CNOT4: variants seen among roughly 807,000 people sequenced by gnomAD.
CNOT4 encodes the protein CCR4-associated factor 4.
A neutral mutation model predicts 73.8 loss-of-function variants in CNOT4; 8 were observed. That is an observed-to-expected ratio of 0.11 (90% CI 0.06 to 0.20). CNOT4 has a LOEUF of 0.20. Among genes scored for constraint, CNOT4 ranks in the 10% least tolerant of loss-of-function variants. The pLI is 1.00. For synonymous variants in CNOT4, 293 were observed against 321.1 expected, an observed-to-expected ratio of 0.91 and a Z score of 0.94; for missense variants, 564 against 883.4, an observed-to-expected ratio of 0.64 and a Z score of 4.58.
intron 1 of CNOT4, among the ~76,000 whole-genome samples, chr7:135,456,579 A>G (rs1305105773): frequency 6.6e-6 from 1 of 152,104 alleles, no homozygotes; most frequent in Non-Finnish European, 1.5e-5. Flanking sequence ...TTCTATGGAT[A>G]CAAAAATCAG....
chr7:135,415,973 T>A (rs1057506625), intron 3 of CNOT4, among the ~76,000 whole-genome samples: 1 of 152,156 alleles, frequency 6.6e-6, no homozygotes, highest in African/African-American at 2.4e-5. Flanking sequence ...TCTCCTTTAC[T>A]TTGTGAACAC....
At chr7:135,442,753 A>AG (rs1484785720) in intron 1 of CNOT4, among the ~76,000 whole-genome samples, 1 of 152,176 alleles carries the variant, frequency 6.6e-6, no homozygotes, top group Non-Finnish European at 1.5e-5. Flanking sequence ...TTAATTTGGC[A>AG]GGGAAAAAAA....
At chr7:135,483,163 C>A (rs770791027) in intron 1 of CNOT4, among the ~76,000 whole-genome samples, 5 of 148,276 alleles carry the variant, frequency 3.4e-5, no homozygotes, top group Non-Finnish European at 7.5e-5. Context: ...AGTGGAACCC[C>A]ATCTCTACAA....
At chr7:135,390,264 T>C (rs1053427152) in intron 10 of CNOT4, among the ~76,000 whole-genome samples, 1 of 152,128 alleles carries the variant, frequency 6.6e-6, no homozygotes, top group Non-Finnish European at 1.5e-5. Flanking sequence ...ATTGTTGAAT[T>C]TGAGATCTAA....
intron 1 of CNOT4, among the ~76,000 whole-genome samples, chr7:135,464,790 A>G (rs1308535731): frequency 6.6e-6 from 1 of 151,966 alleles, no homozygotes; most frequent in African/African-American, 2.4e-5. Context: ...TTATAATTCT[A>G]AAATTTAAGT....
chr7:135,453,788 ATT>A (rs978167060), intron 1 of CNOT4, among the ~76,000 whole-genome samples: 1 of 140,936 alleles, frequency 7.1e-6, no homozygotes, highest in African/African-American at 2.6e-5. Flanking sequence ...ATACAAAAAT[ATT>A]TTTATATATA....
intron 1 of CNOT4, among the ~76,000 whole-genome samples, chr7:135,498,562 T>C (rs1425205803): frequency 2.0e-5 from 3 of 152,176 alleles, no homozygotes; most frequent in African/African-American, 7.2e-5. Context: ...TGTTTGTTTG[T>C]TTTTGAGACG....
intron 2 of CNOT4, among the ~76,000 whole-genome samples, chr7:135,426,329 AC>A (rs1339933974): frequency 2.0e-5 from 3 of 152,012 alleles, no homozygotes; most frequent in Non-Finnish European, 2.9e-5. Flanking sequence ...AAGGCTGGGC[AC>A]GGTGGCTCAC....
At chr7:135,453,989 C>T (rs57185476) in intron 1 of CNOT4, among the ~76,000 whole-genome samples, 5 of 134,010 alleles carry the variant, frequency 3.7e-5, no homozygotes, top group South Asian at 2.3e-4. Context: ...AATATATATA[C>T]ATATATATAT....
At chr7:135,376,087 A>G (rs957474026) in intron 10 of CNOT4, among the ~76,000 whole-genome samples, 1 of 151,864 alleles carries the variant, frequency 6.6e-6, no homozygotes, top group Non-Finnish European at 1.5e-5. Context: ...TGTAGGGGGG[A>G]AAATCTTAAC....
At chr7:135,427,085 T>C (rs1370827738) in intron 2 of CNOT4, among the ~76,000 whole-genome samples, 1 of 152,208 alleles carries the variant, frequency 6.6e-6, no homozygotes, top group East Asian at 1.9e-4. Flanking sequence ...ATAGGTTGCC[T>C]ATGGAGAAGT....
chr7:135,431,718 G>C (rs536653085), intron 2 of CNOT4, among the ~76,000 whole-genome samples: 1 of 150,706 alleles, frequency 6.6e-6, no homozygotes, highest in African/African-American at 2.4e-5. Flanking sequence ...ACTCCAGCCT[G>C]GGTGACATGA....
chr7:135,362,603 T>C lies in CNOT4; in HGVS notation c.*282A>G, dbSNP rs1794696771. On this transcript the variant is annotated 3_prime_UTR_variant, in exon 12 of 12. Coordinates refer to ENST00000541284, the MANE Select transcript of CNOT4 (RefSeq NM_001190850.2). ...AGACAAACAATAATTTTCTAAGTATTGAGACTGCCCTTTGATTTTTTTTTC... is the reference window on the plus strand; with the variant it reads ...AGACAAACAATAATTTTCTAAGTATCGAGACTGCCCTTTGATTTTTTTTTC... 2 of 551,512 alleles carry C rather than the reference T, an allele frequency of 3.6e-6. No individual in the cohort carries two copies. Among genetic ancestry groups the C allele is most frequent in the Non-Finnish European group, 6.5e-6 (2 of 307,136 alleles). The allele number at this position is 551,512 out of a possible 1,614,324, so 34.2% of individuals were successfully genotyped here. A position where few individuals can be genotyped will look rare whatever the true frequency, so the allele number is the denominator to read the frequency against.
chr7:135,421,086 T>C (rs1359191417), intron 3 of CNOT4, among the ~76,000 whole-genome samples: 1 of 152,202 alleles, frequency 6.6e-6, no homozygotes, highest in African/African-American at 2.4e-5. Flanking sequence ...CTAATGTCCC[T>C]GACTTTCGCG....
chr7:135,465,796 C>A (rs1188206620), intron 1 of CNOT4, among the ~76,000 whole-genome samples: 1 of 151,872 alleles, frequency 6.6e-6, no homozygotes, highest in African/African-American at 2.4e-5. Flanking sequence ...GCCTGTAATC[C>A]CAGCACTTTG....
At position 135,461,693 on chromosome 7, in the gene CNOT4, G is replaced by A. The variant is rs868268119; in HGVS notation, c.-92-23270C>T. On this transcript the variant is annotated intron_variant, in intron 1 of 11. Transcript: ENST00000541284. ...CTAAAAATGCAAAAATTAGCCAGGC[G>A]TGGTGGTGCACCCCTATAATTATGG... Among the ~76,000 whole-genome samples, 194 of 152,174 alleles carry A rather than the reference G, an allele frequency of 1.3e-3. 3 individuals carry two copies. The highest frequency in any genetic ancestry group is 4.2e-3 in the African/African-American group (176 of 41,544).
At chr7:135,498,425 A>C (rs1184502110) in intron 1 of CNOT4, among the ~76,000 whole-genome samples, 1 of 152,242 alleles carries the variant, frequency 6.6e-6, no homozygotes, top group Non-Finnish European at 1.5e-5. Context: ...ATGACAAAGA[A>C]TATATGGTGA....
intron 1 of CNOT4, chr7:135,509,060 T>C (rs1437451917): frequency 2.0e-5 from 3 of 152,232 alleles, no homozygotes; most frequent in Non-Finnish European, 4.4e-5. Context: ...TAACGTTTAA[T>C]AGTATCCTAC....
In CNOT4 at chr7:135,395,808, T is replaced by C; in HGVS notation, c.955A>G (p.Asn319Asp). The change falls in exon 9 of 12, where the codon AAT becomes GAT. Residue 319 changes from asparagine (N) to aspartate (D), a missense_variant. By Grantham distance (23) the Asn-to-Asp change is conservative (BLOSUM62 1). Coordinates refer to ENST00000541284, the MANE Select transcript of CNOT4 (RefSeq NM_001190850.2). ...SNPVIPISSS[N>D]HSARSPFEGA... ...TCAAAAGGGGACCGTGCACTGTGATTGGATGAACTGATGGGGATGACTGGA... is the reference window on the plus strand; with the variant it reads ...TCAAAAGGGGACCGTGCACTGTGATCGGATGAACTGATGGGGATGACTGGA... 1 of 1,613,486 alleles carries C rather than the reference T, an allele frequency of 6.2e-7. No individual in the cohort carries two copies. The highest frequency in any genetic ancestry group is 8.5e-7 in the Non-Finnish European group (1 of 1,179,400).
Sources: allele counts gnomAD v4.1 joint callset (sites outside exome capture counted in the v4.1 genomes callset), GRCh38; gene constraint gnomAD v4.1.1; transcripts MANE v1.5; gene names NCBI Gene and HGNC (gene_info 2026-07-23, HGNC 2026-07-21).